METTL4: variants seen among roughly 807,000 people sequenced by gnomAD.
METTL4 encodes N(6)-adenine-specific methyltransferase METTL4.
METTL4 carries 40 observed loss-of-function variants against 54.0 expected under a neutral mutation model. The observed-to-expected ratio is 0.74, with a 90% CI of 0.58 to 0.96. The LOEUF is 0.96. Ranked by LOEUF, METTL4 falls within the 50% of genes least tolerant of loss-of-function variation. METTL4 has a pLI of 0.00. For missense variants in METTL4, 525 were observed against 549.0 expected (o/e 0.96, Z 0.44); for synonymous variants, 169 against 183.8 (o/e 0.92, Z 0.65).
chr18:2,556,255 A>G (rs2143544365), intron 3 of METTL4, among the ~76,000 whole-genome samples: 2 of 152,194 alleles, frequency 1.3e-5, no homozygotes, highest in African/African-American at 4.8e-5. Flanking sequence ...CTCATAACTC[A>G]CAGAACATCA....
chr18:2,566,374 G>T (rs933370744), intron 2 of METTL4, among the ~76,000 whole-genome samples: 4 of 151,974 alleles, frequency 2.6e-5, no homozygotes, highest in African/African-American at 9.7e-5. Flanking sequence ...CTTTTATTAC[G>T]TATCTCCAAG....
At chr18:2,559,234 G>A (rs938051140) in intron 3 of METTL4, among the ~76,000 whole-genome samples, 1 of 152,118 alleles carries the variant, frequency 6.6e-6, no homozygotes, top group Non-Finnish European at 1.5e-5. Context: ...TAAACAAATG[G>A]ATAAACAAAA....
chr18:2,569,930 C>T (rs2143613832), intron 1 of METTL4, among the ~76,000 whole-genome samples: 1 of 152,298 alleles, frequency 6.6e-6, no homozygotes, highest in East Asian at 1.9e-4. Flanking sequence ...TCAGCCCTGC[C>T]ACCTTCTGCT....
At chr18:2,545,436 T>C (rs1003345053) in intron 6 of METTL4, among the ~76,000 whole-genome samples, 1 of 152,064 alleles carries the variant, frequency 6.6e-6, no homozygotes, top group Non-Finnish European at 1.5e-5. Context: ...AAAGCCAAAA[T>C]TAATAAGGAT....
intron 5 of METTL4, among the ~76,000 whole-genome samples, chr18:2,551,476 A>C (rs989518721): frequency 2.6e-5 from 4 of 152,090 alleles, no homozygotes; most frequent in African/African-American, 9.7e-5. Flanking sequence ...CTGAGGCAGG[A>C]GGATCGCTTG....
chr18:2,547,027 C>G (rs1474548352), intron 6 of METTL4, among the ~76,000 whole-genome samples: 1 of 152,112 alleles, frequency 6.6e-6, no homozygotes, highest in Non-Finnish European at 1.5e-5. Context: ...AAGACTATTT[C>G]TATGTTTGGT....
intron 4 of METTL4, 146 bp downstream of exon 4, chr18:2,554,523 T>G (rs73938963): frequency 0.011 from 7,818 of 706,242 alleles, 200 homozygotes; most frequent in East Asian, 0.065. Context: ...ACCTTAAAAT[T>G]AAACCTAAGA....
At chr18:2,552,633 A>AAC in intron 5 of METTL4, 62 bp downstream of exon 5, 1 of 1,068,958 alleles carries the variant, frequency 9.4e-7, no homozygotes, top group Non-Finnish European at 1.4e-6. Flanking sequence ...ATAGTATATT[A>AAC]AACTATAATG....
At chr18:2,540,527 AG>A in intron 8 of METTL4, 1 of 985,422 alleles carries the variant, frequency 1.0e-6, no homozygotes, top group Non-Finnish European at 1.2e-6. Context: ...GGTCCTGTTT[AG>A]CAAAAATCAA....
intron 5 of METTL4, among the ~76,000 whole-genome samples, 186 bp from the exon 6 acceptor site, chr18:2,547,715 C>G (rs953098236): frequency 1.3e-4 from 19 of 150,510 alleles, no homozygotes; most frequent in African/African-American, 4.7e-4. Flanking sequence ...CAAAAATCAC[C>G]TTTTTTTTAA....
chr18:2,562,323 T>TGACTGCAC (rs1567978004), intron 3 of METTL4: 1 of 152,246 alleles, frequency 6.6e-6, no homozygotes, highest in Admixed American at 6.5e-5. Context: ...CGGTGAGCCA[T>TGACTGCAC]GACTGCACCA....
At chr18:2,539,702 G>A (rs1471320573) in intron 8 of METTL4, 23 of 353,400 alleles carry the variant, frequency 6.5e-5, no homozygotes, top group African/African-American at 8.9e-5. Context: ...GGCTGGTCTC[G>A]AACTCCTGAC....
intron 5 of METTL4, among the ~76,000 whole-genome samples, chr18:2,550,739 G>C (rs779169017): frequency 7.9e-5 from 12 of 152,172 alleles, no homozygotes; most frequent in Non-Finnish European, 1.3e-4. Context: ...CAAAGAAAGA[G>C]AGTCAAAAGA....
rs1270957867 is a variant in METTL4 at position 2,563,756 on chromosome 18, C to T, written c.459+41G>A. ...TGTCCATTTATTTTCTACTACTTCA[C>T]ATTAATCTTCCAATGTGATCAATGA... On this transcript the variant is annotated intron_variant, in intron 3 of 8. Coordinates refer to ENST00000574538, the MANE Select transcript of METTL4 (RefSeq NM_022840.5). The T allele has an allele frequency of 2.8e-6, 4 of 1,424,928 alleles. No homozygotes were observed. The African/African-American group carries it at 5.8e-5, about 21-fold the overall frequency. The allele number at this position is 1,424,928 out of a possible 1,614,324, so 88.3% of individuals were successfully genotyped here.
rs1294940388 is a variant in METTL4 at position 2,569,678 on chromosome 18, A to G, written c.-439+1471T>C. On this transcript the variant is annotated intron_variant, in intron 1 of 8. Transcript: ENST00000574538. ...CCCACCCTTGGCCAAAGCACAGATC[A>G]TAAGCCCTCTGCTCCGCTCCCCTCT... 5.3e-5 allele frequency among the ~76,000 whole-genome samples: 8 copies of G among 152,176 alleles called. No homozygotes were observed. In the South Asian group the frequency reaches 1.7e-3, roughly 31 times the overall value.
intron 3 of METTL4, among the ~76,000 whole-genome samples, chr18:2,560,615 C>T (rs1313842740): frequency 6.6e-6 from 1 of 152,154 alleles, no homozygotes; most frequent in Non-Finnish European, 1.5e-5. Flanking sequence ...CAGTGGCTCA[C>T]GCCTATAATT....
At chr18:2,552,241 T>C (rs895685089) in intron 5 of METTL4, among the ~76,000 whole-genome samples, 1 of 148,002 alleles carries the variant, frequency 6.8e-6, no homozygotes, top group Admixed American at 6.8e-5. Flanking sequence ...AAAAAATTGT[T>C]TAATGCTATT....
At chr18:2,548,371 CA>C (rs11393737) in intron 5 of METTL4, among the ~76,000 whole-genome samples, 61,510 of 151,240 alleles carry the variant, frequency 0.41, 12,972 homozygotes, top group East Asian at 0.63. Flanking sequence ...TCCACCTTTG[CA>C]AAAAAAAACC....
chr18:2,542,605 G>C (rs149750042), intron 8 of METTL4, among the ~76,000 whole-genome samples: 1 of 152,034 alleles, frequency 6.6e-6, no homozygotes, highest in Non-Finnish European at 1.5e-5. Flanking sequence ...ATTCAAATGA[G>C]AGGAATACAT....
Sources: gnomAD v4.1 joint callset for allele counts (sites outside exome capture counted in the v4.1 genomes callset) on GRCh38, gnomAD v4.1.1 for gene constraint, MANE v1.5 for transcripts, NCBI Gene and HGNC (gene_info 2026-07-23, HGNC 2026-07-21) for gene names.